PDGFC: variants seen among roughly 807,000 people sequenced by gnomAD.
The protein encoded by PDGFC is platelet derived growth factor C, also known as platelet-derived growth factor C.
A neutral mutation model predicts 35.5 loss-of-function variants in PDGFC; 12 were observed. That is an observed-to-expected ratio of 0.34 (90% CI 0.22 to 0.55). The LOEUF (loss-of-function observed/expected upper bound fraction) is 0.55, where lower values mean the gene tolerates loss of function less well. Ranked by LOEUF, PDGFC falls within the 20% of genes least tolerant of loss-of-function variation. The pLI is 0.91. For synonymous variants in PDGFC, 159 were observed against 148.8 expected (o/e 1.07, Z -0.50); for missense variants, 322 against 412.4 (o/e 0.78, Z 1.90).
At chr4:156,957,214 T>C (rs1732234269) in intron 1 of PDGFC, among the ~76,000 whole-genome samples, 1 of 151,996 alleles carries the variant, frequency 6.6e-6, no homozygotes, top group African/African-American at 2.4e-5. Flanking sequence ...ATTTAATCTT[T>C]TCCTCTCCTC....
At chr4:156,775,577 T>C (rs1006228566) in intron 3 of PDGFC, among the ~76,000 whole-genome samples, 1 of 152,190 alleles carries the variant, frequency 6.6e-6, no homozygotes, top group Non-Finnish European at 1.5e-5. Flanking sequence ...AAAGCATTTC[T>C]TTTGAAGCAA....
chr4:156,957,871 G>C (rs999063605), intron 1 of PDGFC, among the ~76,000 whole-genome samples: 12 of 151,918 alleles, frequency 7.9e-5, no homozygotes, highest in Admixed American at 7.9e-4. Flanking sequence ...TAGACTGCAT[G>C]AATTTCCCAC....
chr4:156,844,655 T>A (rs570340870), intron 2 of PDGFC, among the ~76,000 whole-genome samples: 1 of 150,270 alleles, frequency 6.7e-6, no homozygotes, highest in South Asian at 2.1e-4. Context: ...CGGACAAAAA[T>A]AACCAAAATT....
chr4:156,931,505 T>C (rs1731549615), intron 1 of PDGFC, among the ~76,000 whole-genome samples: 1 of 152,200 alleles, frequency 6.6e-6, no homozygotes, highest in South Asian at 2.1e-4. Context: ...ACAGTGATTC[T>C]CTTTCATAAC....
intron 2 of PDGFC, among the ~76,000 whole-genome samples, chr4:156,822,209 A>C (rs1038505474): frequency 6.6e-6 from 1 of 151,992 alleles, no homozygotes; most frequent in African/African-American, 2.4e-5. Context: ...ATTACAAAAA[A>C]TTAGCCGGGC....
At position 156,902,934 on chromosome 4, in the gene PDGFC, T is replaced by C. The variant is rs1182312152; in HGVS notation, c.119-52518A>G. 2.0e-5 allele frequency among the ~76,000 whole-genome samples: 3 copies of C among 152,176 alleles called. No homozygotes were observed. In the East Asian group the frequency reaches 5.8e-4, roughly 29 times the overall value. ...AAAACAGGCACTTGATAATTATTTA[T>C]TGGATAAATAAAATATCTAGCTTCT... On this transcript the variant is annotated intron_variant, in intron 1 of 5. Transcript: ENST00000502773.
At chr4:156,884,634 G>C (rs1411123935) in intron 1 of PDGFC, among the ~76,000 whole-genome samples, 2 of 152,068 alleles carry the variant, frequency 1.3e-5, no homozygotes, top group African/African-American at 2.4e-5. Context: ...ATTTGTATTT[G>C]TCCACATTAT....
At chr4:156,925,682 C>T (rs1339786391) in intron 1 of PDGFC, among the ~76,000 whole-genome samples, 1 of 149,972 alleles carries the variant, frequency 6.7e-6, no homozygotes, top group African/African-American at 2.5e-5. Flanking sequence ...AGATCATCTA[C>T]ATACATACAG....
intron 1 of PDGFC, among the ~76,000 whole-genome samples, chr4:156,878,729 T>C (rs1196230745): frequency 6.6e-6 from 1 of 152,156 alleles, no homozygotes; most frequent in Non-Finnish European, 1.5e-5. Context: ...TCAGATGTAA[T>C]ACAAATCATT....
At chr4:156,891,874 G>T (rs1038420442) in intron 1 of PDGFC, among the ~76,000 whole-genome samples, 1 of 152,128 alleles carries the variant, frequency 6.6e-6, no homozygotes, top group African/African-American at 2.4e-5. Flanking sequence ...AAAGAAACTT[G>T]CCATGGGTGT....
chr4:156,765,305 A>C (rs529252493), intron 5 of PDGFC, among the ~76,000 whole-genome samples: 27 of 152,328 alleles, frequency 1.8e-4, no homozygotes, highest in African/African-American at 6.5e-4. Flanking sequence ...ACCAGAAAAG[A>C]AACAGGGCTA....
intron 1 of PDGFC, among the ~76,000 whole-genome samples, chr4:156,921,574 G>A (rs1731282265): frequency 6.6e-6 from 1 of 152,068 alleles, no homozygotes; most frequent in Non-Finnish European, 1.5e-5. Flanking sequence ...GATGCTGGGT[G>A]GGTTTTTTTC....
intron 1 of PDGFC, among the ~76,000 whole-genome samples, chr4:156,939,325 T>C (rs894247255): frequency 2.6e-5 from 4 of 152,012 alleles, no homozygotes; most frequent in African/African-American, 9.7e-5. Context: ...TCATGAACAA[T>C]GTGAATTCAC....
intron 1 of PDGFC, among the ~76,000 whole-genome samples, chr4:156,944,537 T>A (rs1731890153): frequency 6.6e-6 from 1 of 152,160 alleles, no homozygotes; most frequent in Non-Finnish European, 1.5e-5. Flanking sequence ...AATCAATTCA[T>A]GTGTCCACTG....
intron 1 of PDGFC, among the ~76,000 whole-genome samples, chr4:156,945,002 C>T (rs923463285): frequency 6.6e-6 from 1 of 151,956 alleles, no homozygotes; most frequent in Non-Finnish European, 1.5e-5. Flanking sequence ...CTCAAAGTCA[C>T]CTTCTCAGTC....
chr4:156,825,197 T>C (rs1471189275), intron 2 of PDGFC, among the ~76,000 whole-genome samples: 2 of 151,980 alleles, frequency 1.3e-5, no homozygotes, highest in Non-Finnish European at 2.9e-5. Flanking sequence ...ACTACTGAGT[T>C]TAGGGTATCT....
chr4:156,964,841 C>A (rs1470783573), intron 1 of PDGFC, among the ~76,000 whole-genome samples: 1 of 152,128 alleles, frequency 6.6e-6, no homozygotes, highest in African/African-American at 2.4e-5. Flanking sequence ...ATTCCTCATA[C>A]CACACATGTT....
At chr4:156,953,068 C>T (rs1732120561) in intron 1 of PDGFC, among the ~76,000 whole-genome samples, 1 of 151,856 alleles carries the variant, frequency 6.6e-6, no homozygotes, top group South Asian at 2.1e-4. Flanking sequence ...TAACTGAACT[C>T]AAGAAATAAA....
At chr4:156,913,190 T>TA (rs1731078969) in intron 1 of PDGFC, among the ~76,000 whole-genome samples, 1 of 152,164 alleles carries the variant, frequency 6.6e-6, no homozygotes, top group African/African-American at 2.4e-5. Flanking sequence ...TACCAGTCCT[T>TA]ACCTCCATCC....
Sources: gnomAD v4.1 joint callset for allele counts (sites outside exome capture counted in the v4.1 genomes callset) on GRCh38, gnomAD v4.1.1 for gene constraint, MANE v1.5 for transcripts, NCBI Gene and HGNC (gene_info 2026-07-23, HGNC 2026-07-21) for gene names.